Variants in FARP2 observed in about 807,000 individuals in gnomAD.
FARP2 encodes FERM, ARH/RhoGEF and pleckstrin domain protein 2.
FARP2 carries 111 observed loss-of-function variants against 130.5 expected under a neutral mutation model. The observed-to-expected ratio is 0.85, with a 90% CI of 0.73 to 1.00. FARP2 has a LOEUF of 1.00. Ranked by LOEUF, FARP2 falls within the 50% of genes least tolerant of loss-of-function variation. The pLI is 0.00. For missense variants in FARP2, 1,385 were observed against 1,346.3 expected (o/e 1.03, Z -0.45); for synonymous variants, 504 against 516.9 (o/e 0.98, Z 0.34).
rs1376177321 is a variant in FARP2 at position 241,456,501 on chromosome 2, G to A, written c.1412-246G>A. The A allele has an allele frequency of 1.3e-5, 6 of 450,972 alleles. 1 individual carries two copies. The highest frequency in any genetic ancestry group is 2.1e-5 in the African/African-American group (1 of 48,310). 27.9% of individuals were successfully genotyped at this position (450,972 alleles called of 1,614,324 possible). On this transcript the variant is annotated intron_variant, in intron 13 of 26. Transcript: ENST00000264042. ...TGGTATCCAGGCCCCCCTAGAGTCC[G>A]GGGAGGATCCACACTGTCTGTGGAT... is the stretch of plus-strand genomic sequence containing the variant.
chr2:241,464,081 G>A (rs142238542), intron 17 of FARP2, 101 bp downstream of exon 17: 65 of 954,204 alleles, frequency 6.8e-5, no homozygotes, highest in Non-Finnish European at 1.0e-4. Flanking sequence ...CCTCAGAAAA[G>A]GGTCCCCTCA....
intron 13 of FARP2, among the ~76,000 whole-genome samples, chr2:241,452,067 C>T (rs752759990): frequency 6.6e-6 from 1 of 152,186 alleles, no homozygotes; most frequent in Non-Finnish European, 1.5e-5. Flanking sequence ...TTTAACCATG[C>T]ATTCTGATAT....
intron 2 of FARP2, among the ~76,000 whole-genome samples, chr2:241,378,364 C>G (rs550415952): frequency 2.6e-5 from 4 of 151,140 alleles, no homozygotes; most frequent in African/African-American, 7.3e-5. Context: ...GCCTCCCCCC[C>G]TCGGCCTCCC....
intron 2 of FARP2, chr2:241,387,156 A>G (rs918899344): frequency 1.3e-5 from 2 of 152,242 alleles, no homozygotes; most frequent in African/African-American, 2.4e-5. Context: ...CTCTGTTAGA[A>G]CTAGTCTTCT....
At chr2:241,359,585 C>T (rs1048250841) in intron 1 of FARP2, among the ~76,000 whole-genome samples, 27 of 152,226 alleles carry the variant, frequency 1.8e-4, no homozygotes, top group Middle Eastern at 3.2e-3. Flanking sequence ...CCTTTGTCCA[C>T]CTGGTCTCCT....
In FARP2 at chr2:241,366,124, T is replaced by TATATATATATAC. The variant is rs1491400546; in HGVS notation, c.-24-6949_-24-6948insCATATATATATA. 7.8e-5 allele frequency among the ~76,000 whole-genome samples: 4 copies of TATATATATATAC among 51,524 alleles called. 1 individual carries two copies. Among genetic ancestry groups the TATATATATATAC allele is most frequent in the African/African-American group, 2.8e-4 (4 of 14,434 alleles). The allele number at this position is 51,524 out of a possible 152,430, so 33.8% of individuals were successfully genotyped here. On this transcript the variant is annotated intron_variant, in intron 1 of 26. Transcript: ENST00000264042. Reference sequence around the variant, plus strand: ...AAAAAAATATATATATATATATACGTATATATATATATATACACACACACA... The same window carrying TATATATATATAC: ...AAAAAAATATATATATATATATACGTATATATATATACATATATATATATATACACACACACA...
chr2:241,391,469 C>T (rs774366927), intron 2 of FARP2, among the ~76,000 whole-genome samples: 1 of 152,138 alleles, frequency 6.6e-6, no homozygotes, highest in Non-Finnish European at 1.5e-5. Context: ...TCTACATCAC[C>T]TGCTTTTGTG....
rs1180224982 is a variant in FARP2 at position 241,453,769 on chromosome 2, G to GTTTTTTT, written c.1412-2952_1412-2946dup. 4.3e-4 allele frequency among the ~76,000 whole-genome samples: 23 copies of GTTTTTTT among 54,044 alleles called. 3 individuals carry two copies. In the East Asian group the frequency reaches 7.2e-3, roughly 17 times the overall value. 35.5% of individuals were successfully genotyped at this position (54,044 alleles called of 152,430 possible). A position where few individuals can be genotyped will look rare whatever the true frequency, so the allele number is the denominator to read the frequency against. On this transcript the variant is annotated intron_variant, in intron 13 of 26. Coordinates refer to ENST00000264042, the MANE Select transcript of FARP2 (RefSeq NM_014808.4). ...TGTTTACTGGGAGTGGCACTTACTG[G>GTTTTTTT]TTTTTTTTTTTTTTTTTTTTTTTTT...
chr2:241,478,590 C>G, intron 19 of FARP2: 1 of 501,252 alleles, frequency 2.0e-6, no homozygotes, highest in Admixed American at 2.1e-5. Context: ...TATTTTGGGC[C>G]TGTGTTGAAC....
chr2:241,464,070 C>A, intron 17 of FARP2, 90 bp downstream of exon 17: 1 of 1,099,860 alleles, frequency 9.1e-7, no homozygotes, highest in South Asian at 1.3e-5. Flanking sequence ...GAACAGCGTC[C>A]CCTCAGAAAA....
chr2:241,463,803 C>T, intron 16 of FARP2, 96 bp from the exon 17 acceptor site: 3 of 1,094,968 alleles, frequency 2.7e-6, no homozygotes, highest in Non-Finnish European at 4.1e-6. Context: ...CACCTTCCTC[C>T]AGCTGGAACC....
chr2:241,451,935 A>T (rs927370976), intron 13 of FARP2, among the ~76,000 whole-genome samples: 6 of 152,080 alleles, frequency 3.9e-5, no homozygotes, highest in African/African-American at 9.7e-5. Flanking sequence ...TTGTATTTTT[A>T]GTAGAGATGG....
intron 23 of FARP2, 91 bp from the exon 24 acceptor site, chr2:241,491,425 A>G (rs758958516): frequency 6.4e-6 from 9 of 1,399,258 alleles, no homozygotes; most frequent in Non-Finnish European, 8.8e-6. Context: ...CCATTTCCCC[A>G]GGACCCCCGA....
intron 5 of FARP2, among the ~76,000 whole-genome samples, chr2:241,408,870 A>G (rs1041270170): frequency 2.6e-5 from 4 of 152,220 alleles, no homozygotes; most frequent in Non-Finnish European, 4.4e-5. Flanking sequence ...GAGAGACCAC[A>G]TTAGTTCACC....
intron 25 of FARP2, 58 bp downstream of exon 25, chr2:241,493,094 C>A: frequency 1.7e-6 from 2 of 1,145,226 alleles, no homozygotes; most frequent in Non-Finnish European, 2.7e-6. Flanking sequence ...ACACTTAACC[C>A]TGCTCACCTG....
In FARP2 at chr2:241,493,021, C is replaced by G; in HGVS notation, c.2880C>G (p.Phe960Leu). 6.3e-7 allele frequency: 1 copy of G among 1,594,264 alleles called. No homozygotes were observed. The highest frequency in any genetic ancestry group is 8.6e-7 in the Non-Finnish European group (1 of 1,161,854). ...TCTTTACCAACTTCTGTTTGTTCTT[C>G]TACAAAACTCATCAGGTACTGGAGT... ...WVVFTNFCLF[F>L]YKTHQDDYPL... is the part of the protein sequence containing the mutation. Residue 960 changes from phenylalanine to leucine, a missense_variant, in exon 25 of 27, where the codon TTC (phenylalanine) becomes TTG (leucine). Transcript: ENST00000264042.
intron 8 of FARP2, among the ~76,000 whole-genome samples, chr2:241,421,614 G>T (rs2062809787): frequency 6.6e-6 from 1 of 152,234 alleles, no homozygotes; most frequent in Admixed American, 6.5e-5. Flanking sequence ...GCAAAAAGCA[G>T]CCAGGCTGCT....
chr2:241,475,860 C>T lies in FARP2; in HGVS notation c.2135C>T (p.Ala712Val), dbSNP rs554306939. 1 of 1,612,304 alleles carries T rather than the reference C, an allele frequency of 6.2e-7. No individual in the cohort carries two copies. Among genetic ancestry groups the T allele is most frequent in the South Asian group, 1.1e-5 (1 of 90,740 alleles). Residue 712 changes from alanine (A) to valine (V), a missense_variant, in exon 19 of 27, where the codon GCC becomes GTC. Ala to Val is a moderately conservative substitution (Grantham distance 64, BLOSUM62 0). Coordinates refer to ENST00000264042, the MANE Select transcript of FARP2 (RefSeq NM_014808.4). The surrounding 1 kb of genome is among the most constrained non-coding windows in gnomAD (Gnocchi z 4.4). Reference sequence around the variant, plus strand: ...ACTGAGGGGTCTCTCCACACAGACGCCCTGAAAGCCATCACAGAGGTGACC... The same window carrying T: ...ACTGAGGGGTCTCTCCACACAGACGTCCTGAAAGCCATCACAGAGGTGACC... ...GHHDYADCHD[A>V]LKAITEVTTT... is the part of the protein sequence containing the mutation.
At chr2:241,428,234 C>CTTTTTTTT in intron 8 of FARP2, among the ~76,000 whole-genome samples, 1 of 124,974 alleles carries the variant, frequency 8.0e-6, no homozygotes, top group Non-Finnish European at 1.6e-5. Context: ...CAATATTTTA[C>CTTTTTTTT]TTTTTTTTTT....
Sources: gnomAD v4.1 joint callset for allele counts (sites outside exome capture counted in the v4.1 genomes callset) on GRCh38, gnomAD v4.1.1 for gene constraint, Gnocchi (gnomAD v3.1) non-coding constraint, MANE v1.5 for transcripts, NCBI Gene and HGNC (gene_info 2026-07-23, HGNC 2026-07-21) for gene names.